The following PDE10A variants were observed in gnomAD, a reference collection of about 807,000 sequenced individuals.
PDE10A encodes the protein phosphodiesterase 10A, also known as cAMP and cAMP-inhibited cGMP 3',5'-cyclic phosphodiesterase 10A.
Under a neutral mutation model 97.7 loss-of-function variants are expected in PDE10A, and 39 were observed. The observed-to-expected ratio is 0.40, with a 90% CI of 0.31 to 0.52. The LOEUF (loss-of-function observed/expected upper bound fraction) is 0.52. Among genes scored for constraint, PDE10A ranks in the 20% least tolerant of loss-of-function variants. The probability of loss-of-function intolerance (pLI) is 0.56; values close to 1 mark genes in which losing one functional copy is unlikely to be tolerated. For missense variants in PDE10A, 731 were observed against 1,047.8 expected, an observed-to-expected ratio of 0.70 and a Z score of 4.17; for synonymous variants, 371 against 376.8, an observed-to-expected ratio of 0.98 and a Z score of 0.18.
intron 10 of PDE10A, among the ~76,000 whole-genome samples, chr6:165,424,247 T>C (rs1333770441): frequency 6.6e-6 from 1 of 152,192 alleles, no homozygotes; most frequent in Non-Finnish European, 1.5e-5. Flanking sequence ...TGCTCCTTAA[T>C]AGGCCTGACT....
At chr6:165,861,376 A>C (rs1780896113) in intron 1 of PDE10A, among the ~76,000 whole-genome samples, 1 of 150,904 alleles carries the variant, frequency 6.6e-6, no homozygotes, top group South Asian at 2.1e-4. Flanking sequence ...AAACAAGGAC[A>C]CAGCTTGTCC....
chr6:165,873,621 T>A (rs979799775), intron 1 of PDE10A, among the ~76,000 whole-genome samples: 1 of 152,350 alleles, frequency 6.6e-6, no homozygotes, highest in Non-Finnish European at 1.5e-5. Flanking sequence ...AAAAAACTTA[T>A]TTGGGTTTAA....
At chr6:165,536,740 AAC>A in intron 2 of PDE10A, among the ~76,000 whole-genome samples, 1 of 152,184 alleles carries the variant, frequency 6.6e-6, no homozygotes, top group Non-Finnish European at 1.5e-5. Context: ...TGCAAATCAA[AAC>A]CACAGTGAGA....
chr6:165,668,976 T>G (rs1337101298), intron 1 of PDE10A, among the ~76,000 whole-genome samples: 1 of 152,176 alleles, frequency 6.6e-6, no homozygotes, highest in Non-Finnish European at 1.5e-5. Context: ...GGATCAGGCC[T>G]CCTCAGCCGC....
chr6:165,466,935 G>T (rs900830305), intron 3 of PDE10A, among the ~76,000 whole-genome samples: 2 of 152,092 alleles, frequency 1.3e-5, no homozygotes, highest in Non-Finnish European at 2.9e-5. Flanking sequence ...AGTTGTGAAC[G>T]CAAAGAAAAA....
At chr6:165,673,193 T>A (rs1790696443) in intron 1 of PDE10A, among the ~76,000 whole-genome samples, 2 of 152,188 alleles carry the variant, frequency 1.3e-5, no homozygotes, top group South Asian at 4.1e-4. Context: ...ATAAACTAGA[T>A]GGAAGAAGGA....
At chr6:165,802,304 T>C (rs940916683) in intron 1 of PDE10A, among the ~76,000 whole-genome samples, 7 of 152,320 alleles carry the variant, frequency 4.6e-5, no homozygotes, top group Non-Finnish European at 7.3e-5. Context: ...CCATGCTTCA[T>C]CCATCAGACC....
intron 1 of PDE10A, among the ~76,000 whole-genome samples, chr6:165,892,188 G>T (rs965027686): frequency 6.6e-6 from 1 of 152,192 alleles, no homozygotes; most frequent in African/African-American, 2.4e-5. Context: ...GGTACCGCTG[G>T]GATGTGATGG....
intron 1 of PDE10A, among the ~76,000 whole-genome samples, chr6:165,553,655 C>T (rs890253002): frequency 6.6e-6 from 1 of 152,162 alleles, no homozygotes; most frequent in African/African-American, 2.4e-5. Flanking sequence ...GCCTTAGCTG[C>T]AGAGAAGATA....
chr6:165,797,770 C>A (rs1365865779), intron 1 of PDE10A, among the ~76,000 whole-genome samples: 1 of 152,140 alleles, frequency 6.6e-6, no homozygotes, highest in Non-Finnish European at 1.5e-5. Context: ...TATTCCTAAT[C>A]TTTGTCTTGA....
At chr6:165,863,715 T>A (rs1780968126) in intron 1 of PDE10A, among the ~76,000 whole-genome samples, 3 of 152,224 alleles carry the variant, frequency 2.0e-5, no homozygotes, top group Admixed American at 2.0e-4. Context: ...TGAATATAGA[T>A]GATATGACAC....
intron 1 of PDE10A, among the ~76,000 whole-genome samples, chr6:165,724,401 T>G (rs1410243555): frequency 1.3e-5 from 2 of 152,142 alleles, no homozygotes; most frequent in East Asian, 3.9e-4. Flanking sequence ...AGTGCAAAAT[T>G]AAATTATCGC....
At chr6:165,495,249 C>T (rs79510677) in intron 2 of PDE10A, among the ~76,000 whole-genome samples, 299 of 151,794 alleles carry the variant, frequency 2.0e-3, no homozygotes, top group African/African-American at 7.0e-3. Context: ...GGCAGCCACC[C>T]TGTAATAACA....
intron 2 of PDE10A, among the ~76,000 whole-genome samples, chr6:165,527,064 C>T (rs572872954): frequency 3.9e-5 from 6 of 152,248 alleles, no homozygotes; most frequent in East Asian, 1.9e-4. Context: ...GAAATAAATC[C>T]GACTAAAATT....
chr6:165,944,415 G>C (rs1010583279), intron 1 of PDE10A, among the ~76,000 whole-genome samples: 5 of 152,194 alleles, frequency 3.3e-5, no homozygotes, highest in Admixed American at 2.6e-4. Context: ...CAGACAGGGA[G>C]GTGGACATGG....
intron 1 of PDE10A, among the ~76,000 whole-genome samples, chr6:165,603,830 T>C: frequency 6.6e-6 from 1 of 152,252 alleles, no homozygotes; most frequent in East Asian, 1.9e-4. Context: ...CTTAAATATT[T>C]ATCCACTAGG....
chr6:165,862,866 G>A (rs1383444055), intron 1 of PDE10A, among the ~76,000 whole-genome samples: 1 of 152,156 alleles, frequency 6.6e-6, no homozygotes, highest in Non-Finnish European at 1.5e-5. Flanking sequence ...TTTTAGTACA[G>A]ATGGGATTTT....
intron 1 of PDE10A, among the ~76,000 whole-genome samples, chr6:165,794,342 CAG>C (rs1362907295): frequency 6.6e-6 from 1 of 151,506 alleles, no homozygotes; most frequent in Non-Finnish European, 1.5e-5. Flanking sequence ...CATAAACACC[CAG>C]ACTCACACAG....
intron 1 of PDE10A, among the ~76,000 whole-genome samples, chr6:165,746,214 A>G (rs954362415): frequency 6.6e-6 from 1 of 152,246 alleles, no homozygotes; most frequent in South Asian, 2.1e-4. Flanking sequence ...AGATATAAAT[A>G]GCACCAAAAA....
Sources: allele counts gnomAD v4.1 joint callset (sites outside exome capture counted in the v4.1 genomes callset), GRCh38; gene constraint gnomAD v4.1.1; transcripts MANE v1.5; gene names NCBI Gene and HGNC (gene_info 2026-07-23, HGNC 2026-07-21).